KCNH1: variants seen among roughly 807,000 people sequenced by gnomAD.
KCNH1 encodes potassium voltage-gated channel subfamily H member 1.
KCNH1 carries 27 observed loss-of-function variants against 69.2 expected under a neutral mutation model. The observed-to-expected ratio is 0.39, with a 90% confidence interval of 0.29 to 0.54. KCNH1 has a LOEUF of 0.54. Among genes scored for constraint, KCNH1 ranks in the 20% least tolerant of loss-of-function variants. KCNH1 has a pLI of 0.68. For synonymous variants in KCNH1, 456 were observed against 487.7 expected, an observed-to-expected ratio of 0.93 and a Z score of 0.86; for missense variants, 798 against 1,261.6, an observed-to-expected ratio of 0.63 and a Z score of 5.57.
At chr1:210,860,915 T>G (rs577315699) in intron 7 of KCNH1, 2 of 944,272 alleles carry the variant, frequency 2.1e-6, no homozygotes, top group South Asian at 1.3e-5. Flanking sequence ...TTCTGCAACA[T>G]GTATTCCATC....
chr1:210,734,822 G>T (rs12354080), intron 10 of KCNH1, among the ~76,000 whole-genome samples: 6 of 152,130 alleles, frequency 3.9e-5, no homozygotes, highest in Non-Finnish European at 5.9e-5. Flanking sequence ...CCATAAGGTT[G>T]TTTGAAGGAC....
rs984126737 is a variant in KCNH1, at chr1:210,904,446, G to A, written c.1462+15194C>T. Among the ~76,000 whole-genome samples, 23 of 152,106 alleles carry A rather than the reference G, an allele frequency of 1.5e-4. No homozygotes were observed. In the South Asian group the frequency reaches 1.9e-3, roughly 12 times the overall value. Reference sequence around the variant, plus strand: ...AGTTAATATACTCAGTGGAAGGTGCGAAGAAATTCTTTTTGAGGTAGTATT... The same window carrying A: ...AGTTAATATACTCAGTGGAAGGTGCAAAGAAATTCTTTTTGAGGTAGTATT... On this transcript the variant is annotated intron_variant, in intron 7 of 10. Coordinates refer to ENST00000271751, the MANE Select transcript of KCNH1 (RefSeq NM_172362.3).
chr1:210,932,011 T>A (rs1687689058), intron 6 of KCNH1, among the ~76,000 whole-genome samples: 1 of 152,032 alleles, frequency 6.6e-6, no homozygotes, highest in South Asian at 2.1e-4. Flanking sequence ...ATTATGTAAA[T>A]TCAAGAAGGT....
At chr1:210,969,310 T>A (rs1007001192) in intron 6 of KCNH1, among the ~76,000 whole-genome samples, 6 of 152,058 alleles carry the variant, frequency 3.9e-5, no homozygotes, top group African/African-American at 1.4e-4. Context: ...CTTCTTTCTC[T>A]ATTACCTGAA....
At chr1:210,746,553 T>TTTTC (rs1234929527) in intron 10 of KCNH1, among the ~76,000 whole-genome samples, 8 of 142,762 alleles carry the variant, frequency 5.6e-5, no homozygotes, top group Non-Finnish European at 6.1e-5. Context: ...TCACACAATC[T>TTTTC]TTTCTTTCTT....
intron 6 of KCNH1, among the ~76,000 whole-genome samples, chr1:210,967,212 T>A (rs1399719493): frequency 1.3e-5 from 2 of 152,030 alleles, no homozygotes; most frequent in African/African-American, 4.8e-5. Context: ...TTAGGAGGAA[T>A]ACATAATGTA....
intron 10 of KCNH1, among the ~76,000 whole-genome samples, chr1:210,692,311 C>G (rs1681544282): frequency 1.3e-5 from 2 of 152,184 alleles, no homozygotes; most frequent in South Asian, 4.1e-4. Context: ...GTTCCTCTGT[C>G]TTCAGGAAGG....
intron 6 of KCNH1, among the ~76,000 whole-genome samples, chr1:210,976,119 A>G (rs960279712): frequency 3.6e-4 from 55 of 151,304 alleles, no homozygotes; most frequent in African/African-American, 1.1e-3. Flanking sequence ...TGGAGAGGAT[A>G]TGGAGAAATA....
At chr1:211,113,272 A>G (rs1571657129) in intron 1 of KCNH1, among the ~76,000 whole-genome samples, 1 of 152,198 alleles carries the variant, frequency 6.6e-6, no homozygotes, top group Non-Finnish European at 1.5e-5. Flanking sequence ...TATGCTTTTA[A>G]TCATTATATT....
chr1:211,118,542 A>G (rs1005136614), intron 1 of KCNH1, among the ~76,000 whole-genome samples: 3 of 152,182 alleles, frequency 2.0e-5, no homozygotes, highest in African/African-American at 4.8e-5. Context: ...AATTAAGTGT[A>G]AGGTTTCCTA....
intron 6 of KCNH1, among the ~76,000 whole-genome samples, chr1:210,980,500 A>G (rs1248301639): frequency 6.6e-5 from 10 of 152,186 alleles, no homozygotes; most frequent in Non-Finnish European, 1.5e-5. Context: ...ATGAGGGTAA[A>G]AGCCTTTAAA....
chr1:210,877,530 ACTGACAATGATGGGACC>A, intron 7 of KCNH1, among the ~76,000 whole-genome samples: 1 of 152,340 alleles, frequency 6.6e-6, no homozygotes, highest in East Asian at 1.9e-4. Flanking sequence ...GAGCAACATT[ACTGACAATGATGGGACC>A]CTCATCACTA....
chr1:210,957,243 C>G (rs1362689559), intron 6 of KCNH1, among the ~76,000 whole-genome samples: 1 of 152,110 alleles, frequency 6.6e-6, no homozygotes, highest in East Asian at 1.9e-4. Context: ...TTTCTTAATC[C>G]TAAGTTCTAA....
At chr1:211,079,567 A>G (rs1194696893) in intron 5 of KCNH1, among the ~76,000 whole-genome samples, 3 of 152,278 alleles carry the variant, frequency 2.0e-5, no homozygotes, top group Non-Finnish European at 4.4e-5. Context: ...GAAAATCCTC[A>G]GTAAAATACG....
At chr1:210,964,704 C>A (rs1331768150) in intron 6 of KCNH1, among the ~76,000 whole-genome samples, 1 of 152,168 alleles carries the variant, frequency 6.6e-6, no homozygotes, top group African/African-American at 2.4e-5. Flanking sequence ...CCTTCTGAAA[C>A]TATTCCAATT....
intron 3 of KCNH1, 105 bp downstream of exon 3, chr1:211,103,391 T>A: frequency 1.5e-6 from 1 of 665,668 alleles, no homozygotes; most frequent in South Asian, 1.9e-5. Context: ...TAACAGCATT[T>A]AGCTGGTGGG....
chr1:210,996,850 C>T (rs553673997), intron 6 of KCNH1, among the ~76,000 whole-genome samples: 48 of 152,264 alleles, frequency 3.2e-4, no homozygotes, highest in Non-Finnish European at 5.0e-4. Flanking sequence ...CTATAGCCAC[C>T]GCTGTTCTAC....
intron 10 of KCNH1, among the ~76,000 whole-genome samples, chr1:210,761,217 A>G (rs1177147823): frequency 8.1e-6 from 1 of 124,174 alleles, no homozygotes; most frequent in Non-Finnish European, 1.6e-5. Context: ...CCGCCACTGC[A>G]CTCCAGCCTG....
intron 7 of KCNH1, among the ~76,000 whole-genome samples, chr1:210,824,253 T>C (rs1269114090): frequency 1.3e-5 from 2 of 151,988 alleles, no homozygotes; most frequent in Admixed American, 6.6e-5. Context: ...TCTAATATTA[T>C]AAATATCAAT....
Sources: gnomAD v4.1 joint callset for allele counts (sites outside exome capture counted in the v4.1 genomes callset) on GRCh38, gnomAD v4.1.1 for gene constraint, MANE v1.5 for transcripts, NCBI Gene and HGNC (gene_info 2026-07-23, HGNC 2026-07-21) for gene names.